Variants in BOD1L1 observed in about 807,000 individuals in gnomAD.
BOD1L1 encodes biorientation of chromosomes in cell division 1 like 1.
Under a neutral mutation model 240.7 loss-of-function variants are expected in BOD1L1, and 86 were observed. That is an observed-to-expected ratio of 0.36 (90% confidence interval 0.30 to 0.43). The LOEUF is 0.43. BOD1L1 is among the 20% of genes least tolerant of loss of function. The probability of loss-of-function intolerance (pLI) is 1.00; values close to 1 mark genes in which losing one functional copy is unlikely to be tolerated. For missense variants in BOD1L1, 3,554 were observed against 3,643.5 expected (o/e 0.98, Z 0.63); for synonymous variants, 1,268 against 1,272.3 (o/e 1.00, Z 0.07).
At chr4:13,578,467 A>T (rs1447689612) in intron 22 of BOD1L1, among the ~76,000 whole-genome samples, 2 of 152,228 alleles carry the variant, frequency 1.3e-5, no homozygotes, top group Non-Finnish European at 2.9e-5. Context: ...GGAAATGCAA[A>T]TATTCCAAAA....
intron 10 of BOD1L1, among the ~76,000 whole-genome samples, chr4:13,597,988 A>G (rs1463800574): frequency 6.6e-6 from 1 of 152,202 alleles, no homozygotes; most frequent in Non-Finnish European, 1.5e-5. Context: ...TTATATAGCC[A>G]GAGTGGAAAA....
chr4:13,588,002 G>A (rs1440832778), intron 15 of BOD1L1, among the ~76,000 whole-genome samples: 2 of 152,162 alleles, frequency 1.3e-5, no homozygotes, highest in East Asian at 1.9e-4. Context: ...TGGCTAACAC[G>A]GTGAAACCCC....
In BOD1L1 at chr4:13,576,891, C is replaced by T. The variant is rs538568244; in HGVS notation, c.8985G>A (p.Glu2995=). The change falls in exon 25 of 26, where the codon GAG becomes GAA. Residue 2995 remains glutamate (E), a synonymous_variant. Coordinates refer to ENST00000040738, the MANE Select transcript of BOD1L1 (RefSeq NM_148894.3). ...TTGTGGTGGCTCCTGAAGGCTCGTC[C>T]TCTTCCTCTTCTTCCTCTTCCTCAT... ...ESDEEEEEEE[E]DEPSGATTRS... 1 of 1,613,998 alleles carries T rather than the reference C, an allele frequency of 6.2e-7. No individual in the cohort carries two copies. Among genetic ancestry groups the T allele is most frequent in the African/African-American group, 1.3e-5 (1 of 75,040 alleles).
Position 13,613,685 on chromosome 4 carries a change from G to GAA in BOD1L1, c.1175-26_1175-25dup. On this transcript the variant is annotated intron_variant, in intron 4 of 25. Coordinates refer to ENST00000040738, the MANE Select transcript of BOD1L1 (RefSeq NM_148894.3). The surrounding 1 kb of genome is among the most constrained non-coding windows in gnomAD (Gnocchi z 4.0). ...ATCTTCAAGCGGAAAATAAAACACA[G>GAA]AAAAAAAAATCATCTTATTATAAGA... is the stretch of plus-strand genomic sequence containing the variant. 1 of 1,396,084 alleles carries GAA rather than the reference G, an allele frequency of 7.2e-7. No individual in the cohort carries two copies. The highest frequency in any genetic ancestry group is 9.6e-7 in the Non-Finnish European group (1 of 1,040,924). The allele number at this position is 1,396,084 out of a possible 1,614,324, so 86.5% of individuals were successfully genotyped here.
chr4:13,574,694 C>T (rs533032112), intron 25 of BOD1L1, among the ~76,000 whole-genome samples: 1 of 152,094 alleles, frequency 6.6e-6, no homozygotes, highest in South Asian at 2.1e-4. Flanking sequence ...CTCACCCTCT[C>T]CTAGCAGCAG....
At chr4:13,587,256 A>T (rs969526062) in intron 16 of BOD1L1, among the ~76,000 whole-genome samples, 1 of 152,224 alleles carries the variant, frequency 6.6e-6, no homozygotes, top group African/African-American at 2.4e-5. Flanking sequence ...TAGACAAAAT[A>T]AATGTACAAG....
Position 13,615,514 on chromosome 4 carries a change from G to C in BOD1L1, c.369-12C>G. On this transcript the variant is annotated splice_polypyrimidine_tract_variant and intron_variant, in intron 2 of 25. Coordinates refer to ENST00000040738, the MANE Select transcript of BOD1L1 (RefSeq NM_148894.3). ...CCAACATTCCTGATCTGAAACACAA[G>C]ATAATTTATGGAAAGGTGAAAAAAT... 1 of 1,572,110 alleles carries C rather than the reference G, an allele frequency of 6.4e-7. No individual in the cohort carries two copies. Among genetic ancestry groups the C allele is most frequent in the Non-Finnish European group, 8.6e-7 (1 of 1,157,314 alleles).
chr4:13,601,490 C>T lies in BOD1L1; in HGVS notation c.5410G>A (p.Ala1804Thr). 6.2e-7 allele frequency: 1 copy of T among 1,614,048 alleles called. No homozygotes were observed. The highest frequency in any genetic ancestry group is 2.2e-5 in the East Asian group (1 of 44,894). Reference sequence around the variant, plus strand: ...CTATCTTCTGAACCTGTGCAACTTGCTGGCCCCTCTCCATCTTCTGTTATC... The same window carrying T: ...CTATCTTCTGAACCTGTGCAACTTGTTGGCCCCTCTCCATCTTCTGTTATC... ...TGITEDGEGP[A>T]SCTGSEDSSE... The change falls in exon 10 of 26, where the codon GCA (alanine) becomes ACA (threonine). Residue 1804 changes from alanine (A) to threonine (T), a missense_variant. Physicochemically the swap from Ala to Thr is moderately conservative, Grantham distance 58 (BLOSUM62 0). This residue lies in a region of BOD1L1 where 3,393 missense variants were observed against 3,427.1 expected (regional missense o/e 0.99). Coordinates refer to ENST00000040738, the MANE Select transcript of BOD1L1 (RefSeq NM_148894.3).
Position 13,601,820 on chromosome 4 carries a change from C to T in BOD1L1, c.5080G>A (p.Gly1694Arg). 6.2e-7 allele frequency: 1 copy of T among 1,613,978 alleles called. No individual in the cohort carries two copies. The highest frequency in any genetic ancestry group is 8.5e-7 in the Non-Finnish European group (1 of 1,179,886). ...ATAGATCCTGCTCTTATCTCTGTTC[C>T]AGCACTTGTAACTGCTCCATCACTT... is the stretch of plus-strand genomic sequence containing the variant. ...VESDGAVTSA[G>R]TEIRAGSISS... The change falls in exon 10 of 26, where the codon GGA becomes AGA. Residue 1694 changes from glycine to arginine, a missense_variant. Coordinates refer to ENST00000040738, the MANE Select transcript of BOD1L1 (RefSeq NM_148894.3).
In BOD1L1 at chr4:13,599,840, C is replaced by G. The variant is rs527644651; in HGVS notation, c.7060G>C (p.Ala2354Pro). 9 of 1,614,024 alleles carry G rather than the reference C, an allele frequency of 5.6e-6. No individual in the cohort carries two copies. In the African/African-American group the frequency reaches 6.7e-5, roughly 12 times the overall value. The change falls in exon 10 of 26, where the codon GCA becomes CCA. Residue 2354 changes from alanine (A) to proline (P), a missense_variant. By Grantham distance (27) the Ala-to-Pro change is conservative (BLOSUM62 -1). Around this residue, in one of 2 missense-constraint regions of BOD1L1, gnomAD observed 3,393 missense variants for 3,427.1 expected, o/e 0.99. Coordinates refer to ENST00000040738, the MANE Select transcript of BOD1L1 (RefSeq NM_148894.3). Reference sequence around the variant, plus strand: ...TCACCGTTCCCTTCTGGGTTGTCTGCAGTCAGCTGATTCTCTTCATGTCTG... The same window carrying G: ...TCACCGTTCCCTTCTGGGTTGTCTGGAGTCAGCTGATTCTCTTCATGTCTG... ...IDRHEENQLT[A>P]DNPEGNGDLS...
Position 13,614,726 on chromosome 4 carries a change from G to T in BOD1L1, c.644C>A (p.Ala215Asp). The T allele has an allele frequency of 6.2e-7, 1 of 1,613,858 alleles. No individual in the cohort carries two copies. The highest frequency in any genetic ancestry group is 8.5e-7 in the Non-Finnish European group (1 of 1,179,836). Residue 215 changes from alanine to aspartate, a missense_variant, in exon 4 of 26, where the codon GCC (alanine) becomes GAC (aspartate). Around this residue, in one of 2 missense-constraint regions of BOD1L1, gnomAD observed 3,393 missense variants for 3,427.1 expected, o/e 0.99. Coordinates refer to ENST00000040738, the MANE Select transcript of BOD1L1 (RefSeq NM_148894.3). ...TTCTGTTGAAGCCCTAGCAGCACTG[G>T]CTTCTTGGTTAAGAGAAGTTATGGT... ...LETITSLNQEASAARASTETS... is the reference protein window; with the variant it reads ...LETITSLNQEDSAARASTETS...
intron 2 of BOD1L1, among the ~76,000 whole-genome samples, chr4:13,618,143 A>ATT (rs1716757693): frequency 6.6e-6 from 1 of 152,228 alleles, no homozygotes; most frequent in Non-Finnish European, 1.5e-5. Flanking sequence ...TAGTTCCCTT[A>ATT]AATAAAAGAA....
At position 13,613,360 on chromosome 4, in the gene BOD1L1, CTT is replaced by C. The variant is rs1437280971; in HGVS notation, c.1324+150_1324+151del. ...TTACCAAGCTTGCTCAGACAGACAA[CTT>C]TGGAGCTGGGACTCAGAAACAAATC... On this transcript the variant is annotated intron_variant, in intron 5 of 25. Coordinates refer to ENST00000040738, the MANE Select transcript of BOD1L1 (RefSeq NM_148894.3). The surrounding 1 kb of genome is among the most constrained non-coding windows in gnomAD (Gnocchi z 4.0). 2 of 665,686 alleles carry C rather than the reference CTT, an allele frequency of 3.0e-6. No homozygotes were observed. Among genetic ancestry groups the C allele is most frequent in the Non-Finnish European group, 4.7e-6 (2 of 430,026 alleles). 41.2% of individuals were successfully genotyped at this position (665,686 alleles called of 1,614,324 possible). A position where few individuals can be genotyped will look rare whatever the true frequency, so the allele number is the denominator to read the frequency against.
chr4:13,584,466 GT>G, intron 17 of BOD1L1, among the ~76,000 whole-genome samples: 1 of 151,548 alleles, frequency 6.6e-6, no homozygotes, highest in Admixed American at 6.6e-5. Context: ...GTGTGTGTGT[GT>G]GTGTGTGTGT....
rs147488691 is a variant in BOD1L1, at chr4:13,590,409, T to G, written c.8186A>C (p.His2729Pro). 6.6e-7 allele frequency: 1 copy of G among 1,516,470 alleles called. No individual in the cohort carries two copies. Among genetic ancestry groups the G allele is most frequent in the Non-Finnish European group, 9.0e-7 (1 of 1,106,122 alleles). The allele number at this position is 1,516,470 out of a possible 1,614,324, so 93.9% of individuals were successfully genotyped here. The change falls in exon 14 of 26, where the codon CAT becomes CCT. Residue 2729 changes from histidine (H) to proline (P), a missense_variant. His to Pro is a moderately conservative substitution (Grantham distance 77). This residue lies in a region of BOD1L1 where 3,393 missense variants were observed against 3,427.1 expected (regional missense o/e 0.99). Transcript: ENST00000040738. ...NSGFRTNEEIHSESYNKGEIS... is the reference protein window; with the variant it reads ...NSGFRTNEEIPSESYNKGEIS... The stretch of plus-strand genomic sequence containing the variant: ...ACCTCCTTTGTTATAAGATTCGCTA[T>G]GAATTTCTTCATTTGTTCTGAAGCC...
rs1715370391 is a variant in BOD1L1 at position 13,603,209 on chromosome 4, C to T, written c.3691G>A (p.Val1231Met). Reference protein sequence around the residue: ...KEPIHRGTTEVNIDSETVHRM... With the variant: ...KEPIHRGTTEMNIDSETVHRM... ...TGAACAGTTTCAGAATCTATATTCA[C>T]TTCAGTAGTTCCTCTATGAATGGGT... The change falls in exon 10 of 26, where the codon GTG becomes ATG. Residue 1231 changes from valine (V) to methionine (M), a missense_variant. Physicochemically the swap from Val to Met is conservative, Grantham distance 21. This residue lies in a region of BOD1L1 where 3,393 missense variants were observed against 3,427.1 expected (regional missense o/e 0.99). Transcript: ENST00000040738. 1.2e-6 allele frequency: 2 copies of T among 1,613,900 alleles called. No individual in the cohort carries two copies. The highest frequency in any genetic ancestry group is 1.1e-5 in the South Asian group (1 of 91,084).
At position 13,569,399 on chromosome 4, in the gene BOD1L1, A is replaced by C. The variant is rs1194424252; in HGVS notation, c.*612T>G. 2.0e-5 allele frequency: 3 copies of C among 152,232 alleles called. No homozygotes were observed. Among genetic ancestry groups the C allele is most frequent in the African/African-American group, 7.2e-5 (3 of 41,450 alleles). The allele number at this position is 152,232 out of a possible 1,614,324, so 9.4% of individuals were successfully genotyped here. On this transcript the variant is annotated 3_prime_UTR_variant, in exon 26 of 26. Transcript: ENST00000040738. ...AGCAATGAAGAACCTTTCTTTAGCT[A>C]AACTACTTTACTTGGATACATGCGA...
chr4:13,589,236 G>A (rs1713979567), intron 14 of BOD1L1, among the ~76,000 whole-genome samples: 1 of 152,154 alleles, frequency 6.6e-6, no homozygotes, highest in African/African-American at 2.4e-5. Context: ...TACACCACTT[G>A]GGGTCAATTT....
In BOD1L1 at chr4:13,603,572, C is replaced by A. The variant is rs1367450009; in HGVS notation, c.3328G>T (p.Asp1110Tyr). The A allele has an allele frequency of 3.7e-6, 6 of 1,613,902 alleles. No homozygotes were observed. The highest frequency in any genetic ancestry group is 4.2e-6 in the Non-Finnish European group (5 of 1,179,884). ...TCTTGTTCAGGGATCAATGTCATATCACCACTCTTTTTTGGTCTCTGAAGG... is the reference window on the plus strand; with the variant it reads ...TCTTGTTCAGGGATCAATGTCATATAACCACTCTTTTTTGGTCTCTGAAGG... ...SSLQRPKKSG[D>Y]MTLIPEQEPM... is the part of the protein sequence containing the mutation. Residue 1110 changes from aspartate to tyrosine, a missense_variant, in exon 10 of 26, where the codon GAT (aspartate) becomes TAT (tyrosine). Coordinates refer to ENST00000040738, the MANE Select transcript of BOD1L1 (RefSeq NM_148894.3).
Sources: gnomAD v4.1 joint callset for allele counts (sites outside exome capture counted in the v4.1 genomes callset) on GRCh38, gnomAD v4.1.1 for gene constraint, gnomAD v4.1.1 regional missense constraint, Gnocchi (gnomAD v3.1) non-coding constraint, MANE v1.5 for transcripts, NCBI Gene and HGNC (gene_info 2026-07-23, HGNC 2026-07-21) for gene names.